Variants in CNGB3 observed in about 807,000 individuals in gnomAD.
The protein encoded by CNGB3 is cyclic nucleotide-gated channel beta-3.
CNGB3 carries 86 observed loss-of-function variants against 92.8 expected under a neutral mutation model. The observed-to-expected ratio is 0.93, with a 90% CI of 0.78 to 1.11. The LOEUF (loss-of-function observed/expected upper bound fraction) is 1.11, where lower values mean the gene tolerates loss of function less well. CNGB3 is among the 50% of genes least tolerant of loss of function. The pLI is 0.00. For missense variants in CNGB3, 1,026 were observed against 956.8 expected (o/e 1.07, Z -0.95); for synonymous variants, 333 against 332.7 (o/e 1.00, Z -0.01).
chr8:86,677,008 A>G (rs1823985001), intron 3 of CNGB3, among the ~76,000 whole-genome samples: 1 of 152,208 alleles, frequency 6.6e-6, no homozygotes, highest in Admixed American at 6.5e-5. Flanking sequence ...GCCTAGTTGA[A>G]GACAGAGAAG....
chr8:86,601,865 G>C (rs1822310745), intron 15 of CNGB3, among the ~76,000 whole-genome samples: 1 of 152,166 alleles, frequency 6.6e-6, no homozygotes, highest in South Asian at 2.1e-4. Flanking sequence ...CTGTTCTACT[G>C]GTTTCAATTT....
intron 15 of CNGB3, among the ~76,000 whole-genome samples, chr8:86,601,556 AG>A (rs1822301593): frequency 6.6e-6 from 1 of 152,070 alleles, no homozygotes; most frequent in Non-Finnish European, 1.5e-5. Context: ...ACTCTTTTAA[AG>A]GCTACATGAT....
At chr8:86,687,202 A>T (rs1824205170) in intron 3 of CNGB3, among the ~76,000 whole-genome samples, 1 of 152,036 alleles carries the variant, frequency 6.6e-6, no homozygotes, top group South Asian at 2.1e-4. Context: ...TCAGTCATTA[A>T]ACTGTAAAAA....
intron 15 of CNGB3, among the ~76,000 whole-genome samples, chr8:86,597,774 G>A (rs1474904870): frequency 1.3e-5 from 2 of 152,118 alleles, no homozygotes; most frequent in African/African-American, 4.8e-5. Context: ...GAGGTCAGGA[G>A]TTCAAGACTA....
At chr8:86,664,461 C>A (rs555183921) in intron 6 of CNGB3, among the ~76,000 whole-genome samples, 104 of 152,264 alleles carry the variant, frequency 6.8e-4, no homozygotes, top group Admixed American at 5.0e-3. Flanking sequence ...CCTTGCTGAG[C>A]CTTGGGAGGA....
intron 17 of CNGB3, 131 bp downstream of exon 17, chr8:86,578,558 C>A: frequency 3.5e-6 from 3 of 860,436 alleles, no homozygotes; most frequent in Non-Finnish European, 5.9e-6. Context: ...ATATATAAAG[C>A]AGGAAGTATT....
intron 13 of CNGB3, 42 bp from the exon 14 acceptor site, chr8:86,611,713 GC>G (rs1822527003): frequency 7.5e-7 from 1 of 1,330,586 alleles, no homozygotes; most frequent in Admixed American, 1.7e-5. Context: ...ACAACTAAAG[GC>G]CAATATTCCA....
intron 13 of CNGB3, among the ~76,000 whole-genome samples, chr8:86,625,759 TC>T (rs1417311899): frequency 1.3e-5 from 2 of 151,872 alleles, no homozygotes; most frequent in East Asian, 3.9e-4. Flanking sequence ...GAAGAACTCT[TC>T]TTTTTTGACA....
At chr8:86,646,653 A>G (rs888602116) in intron 8 of CNGB3, among the ~76,000 whole-genome samples, 2 of 151,158 alleles carry the variant, frequency 1.3e-5, no homozygotes, top group African/African-American at 2.4e-5. Context: ...TGCTGGTGTT[A>G]CCAGGTTATG....
intron 3 of CNGB3, among the ~76,000 whole-genome samples, chr8:86,717,795 C>T (rs907295789): frequency 4.6e-5 from 7 of 152,020 alleles, no homozygotes; most frequent in African/African-American, 1.2e-4. Flanking sequence ...TTAGGAAAAT[C>T]GAAATTATAT....
intron 3 of CNGB3, among the ~76,000 whole-genome samples, chr8:86,682,421 T>C (rs966578874): frequency 6.6e-6 from 1 of 152,188 alleles, no homozygotes; most frequent in South Asian, 2.1e-4. Context: ...TCTCCAGCTA[T>C]GAGTAAATTG....
Position 86,693,816 on chromosome 8 carries a change from A to G in CNGB3, c.339-22718T>C, listed in dbSNP as rs571848077. ...GCAGAAGAATTTTTCTTAGTACAGA[A>G]CAAAATGAAAAGTCTCCCATGTCTA... On this transcript the variant is annotated intron_variant, in intron 3 of 17. Coordinates refer to ENST00000320005, the MANE Select transcript of CNGB3 (RefSeq NM_019098.5). Among the ~76,000 whole-genome samples the G allele has an allele frequency of 5.3e-4, 77 of 145,284 alleles. No homozygotes were observed. The South Asian group carries it at 0.014, about 26-fold the overall frequency.
At chr8:86,659,842 G>T (rs935866264) in intron 6 of CNGB3, 3 of 413,480 alleles carry the variant, frequency 7.3e-6, no homozygotes, top group African/African-American at 6.2e-5. Flanking sequence ...TGGTTTTGTT[G>T]TTTCTCCAGA....
intron 12 of CNGB3, among the ~76,000 whole-genome samples, chr8:86,627,563 G>A (rs568675190): frequency 6.6e-6 from 1 of 152,250 alleles, no homozygotes; most frequent in Non-Finnish European, 1.5e-5. Context: ...AGCATTTTTG[G>A]CTTCTTAGTG....
At chr8:86,690,753 A>T (rs1232564758) in intron 3 of CNGB3, among the ~76,000 whole-genome samples, 3 of 151,948 alleles carry the variant, frequency 2.0e-5, no homozygotes, top group African/African-American at 7.3e-5. Flanking sequence ...TAAGGAAGGG[A>T]TCCAGTTTCA....
chr8:86,611,558 T>A, intron 14 of CNGB3, 30 bp downstream of exon 14: 1 of 1,521,434 alleles, frequency 6.6e-7, no homozygotes, highest in East Asian at 2.3e-5. Context: ...CATTTATTAG[T>A]TGTGCATTTG....
chr8:86,694,891 A>T (rs549541083), intron 3 of CNGB3, among the ~76,000 whole-genome samples: 22 of 152,058 alleles, frequency 1.4e-4, no homozygotes, highest in African/African-American at 4.8e-4. Flanking sequence ...CACTTCCCAG[A>T]CGGGGTGGCG....
chr8:86,674,026 G>A (rs983961297), intron 3 of CNGB3, among the ~76,000 whole-genome samples: 3 of 152,170 alleles, frequency 2.0e-5, no homozygotes, highest in Non-Finnish European at 4.4e-5. Context: ...TCAGCACAAC[G>A]TAGGTTTTAA....
At chr8:86,732,704 C>G (rs2131677375) in intron 2 of CNGB3, among the ~76,000 whole-genome samples, 1 of 152,294 alleles carries the variant, frequency 6.6e-6, no homozygotes, top group East Asian at 1.9e-4. Context: ...AACTAGAAAG[C>G]ATGTAATATT....
Sources: allele counts gnomAD v4.1 joint callset (sites outside exome capture counted in the v4.1 genomes callset), GRCh38; gene constraint gnomAD v4.1.1; transcripts MANE v1.5; gene names NCBI Gene and HGNC (gene_info 2026-07-23, HGNC 2026-07-21).